The following BIN1 variants were observed in gnomAD, a reference collection of about 807,000 sequenced individuals.
BIN1 encodes the protein bridging integrator 1.
In BIN1, 53 loss-of-function variants were observed where a neutral mutation model predicts 82.0. That is an observed-to-expected ratio of 0.65 (90% CI 0.52 to 0.81). The LOEUF is 0.81. BIN1 is among the 40% of genes least tolerant of loss of function. The probability of loss-of-function intolerance (pLI) is 0.00; values close to 1 mark genes in which losing one functional copy is unlikely to be tolerated. For synonymous variants in BIN1, 302 were observed against 328.0 expected, an observed-to-expected ratio of 0.92 and a Z score of 0.86; for missense variants, 642 against 784.4, an observed-to-expected ratio of 0.82 and a Z score of 2.17.
intron 1 of BIN1, among the ~76,000 whole-genome samples, chr2:127,091,343 G>T (rs907123954): frequency 6.6e-6 from 1 of 152,304 alleles, no homozygotes; most frequent in Non-Finnish European, 1.5e-5. Context: ...GGCCTGTCCA[G>T]CATGCCCTGC....
intron 15 of BIN1, 109 bp from the exon 16 acceptor site, chr2:127,051,352 C>T (rs1489815361): frequency 2.6e-6 from 3 of 1,135,462 alleles, no homozygotes; most frequent in Non-Finnish European, 3.9e-6. Context: ...GGGGGCATCG[C>T]CTGGCTGGCA....
At chr2:127,063,153 A>G (rs1380562002) in intron 9 of BIN1, among the ~76,000 whole-genome samples, 1 of 152,256 alleles carries the variant, frequency 6.6e-6, no homozygotes, top group African/African-American at 2.4e-5. Context: ...CACGCAGACG[A>G]AACAGGCCTA....
chr2:127,075,395 C>T (rs1460694286), intron 2 of BIN1, among the ~76,000 whole-genome samples: 1 of 152,100 alleles, frequency 6.6e-6, no homozygotes, highest in African/African-American at 2.4e-5. Context: ...AACCTAAGAC[C>T]AGGTTTCTTG....
intron 10 of BIN1, chr2:127,060,792 G>C (rs1032789686): frequency 3.8e-6 from 4 of 1,056,858 alleles, no homozygotes; most frequent in African/African-American, 1.6e-5. Flanking sequence ...CACAGGGCCT[G>C]GGCGTGCTAT....
intron 1 of BIN1, among the ~76,000 whole-genome samples, chr2:127,088,199 G>A (rs116375908): frequency 0.017 from 2,595 of 152,312 alleles, 32 homozygotes; most frequent in Middle Eastern, 0.058. Flanking sequence ...TCCTTGAGAG[G>A]GGTGCCAAGA....
chr2:127,063,827 T>G, intron 8 of BIN1, 106 bp downstream of exon 8: 3 of 1,493,784 alleles, frequency 2.0e-6, no homozygotes, highest in Non-Finnish European at 2.8e-6. Context: ...GCACGCAGAC[T>G]GGACACCGCA....
chr2:127,070,207 G>A lies in BIN1; in HGVS notation c.316-117C>T. ...CTCTTCACAGCTCAGTGGCTTCTCA[G>A]AGCCTCAGTTTCCCCATCTGTAAGA... On this transcript the variant is annotated intron_variant, in intron 4 of 18. Coordinates refer to ENST00000316724, the MANE Select transcript of BIN1 (RefSeq NM_139343.3). 3 of 822,848 alleles carry A rather than the reference G, an allele frequency of 3.6e-6. No individual in the cohort carries two copies. In the South Asian group the frequency reaches 4.3e-5, roughly 12 times the overall value. The allele number at this position is 822,848 out of a possible 1,614,324, so 51.0% of individuals were successfully genotyped here.
intron 15 of BIN1, 34 bp from the exon 16 acceptor site, chr2:127,051,277 A>G: frequency 1.2e-6 from 2 of 1,607,676 alleles, no homozygotes; most frequent in Non-Finnish European, 1.7e-6. Flanking sequence ...GGTCAGACAC[A>G]GGACAGGACA....
At position 127,062,317 on chromosome 2, in the gene BIN1, T is replaced by C. The variant is rs1249531358; in HGVS notation, c.775-120A>G. 4 of 1,014,124 alleles carry C rather than the reference T, an allele frequency of 3.9e-6. No homozygotes were observed. In the African/African-American group the frequency reaches 6.4e-5, roughly 16 times the overall value. 62.8% of individuals were successfully genotyped at this position (1,014,124 alleles called of 1,614,324 possible). A position where few individuals can be genotyped will look rare whatever the true frequency, so the allele number is the denominator to read the frequency against. On this transcript the variant is annotated intron_variant, in intron 9 of 18. Transcript: ENST00000316724. ...CCCCTGCCAGGAACAAGCTCCTCTT[T>C]CCCCATCTGTGAGAGCAAGGAACTA... is the stretch of plus-strand genomic sequence containing the variant.
At chr2:127,094,973 G>T (rs1412577262) in intron 1 of BIN1, among the ~76,000 whole-genome samples, 1 of 152,224 alleles carries the variant, frequency 6.6e-6, no homozygotes, top group East Asian at 1.9e-4. Context: ...GGAGAACAGG[G>T]TGGGCGGGTC....
Position 127,104,541 on chromosome 2 carries a change from C to T in BIN1, c.84+2319G>A, listed in dbSNP as rs151203204. ...AGCCTCCCAGCACAGCTCCTGCCAT[C>T]CTTGCTCAGGAAACGCCTTCCTGTA... On this transcript the variant is annotated intron_variant, in intron 1 of 18. Coordinates refer to ENST00000316724, the MANE Select transcript of BIN1 (RefSeq NM_139343.3). Among the ~76,000 whole-genome samples the T allele has an allele frequency of 4.6e-4, 70 of 152,310 alleles. 1 individual carries two copies. Among genetic ancestry groups the T allele is most frequent in the African/African-American group, 1.6e-3 (68 of 41,570 alleles).
At chr2:127,062,508 G>A (rs563450002) in intron 9 of BIN1, among the ~76,000 whole-genome samples, 32 of 152,316 alleles carry the variant, frequency 2.1e-4, no homozygotes, top group Non-Finnish European at 3.7e-4. Flanking sequence ...CTTAAAACTT[G>A]TTTTGGCAGA....
At position 127,068,847 on chromosome 2, in the gene BIN1, T is replaced by A. The variant is rs146189826; in HGVS notation, c.519+77A>T. 16 of 1,401,204 alleles carry A rather than the reference T, an allele frequency of 1.1e-5. No homozygotes were observed. The Admixed American group carries it at 2.7e-4, about 24-fold the overall frequency. The allele number at this position is 1,401,204 out of a possible 1,614,324, so 86.8% of individuals were successfully genotyped here. The stretch of plus-strand genomic sequence containing the variant: ...ACCTGGGGCCAGGCAGGAGGAAGCC[T>A]CCACCCTCGGGGTCCTAGACACCCG... On this transcript the variant is annotated intron_variant, in intron 6 of 18. Transcript: ENST00000316724. This position sits in a 1 kb window ranked among gnomAD's most constrained non-coding sequence, Gnocchi z 4.9.
intron 1 of BIN1, among the ~76,000 whole-genome samples, chr2:127,096,575 C>A (rs1346438019): frequency 6.6e-6 from 1 of 152,192 alleles, no homozygotes; most frequent in Non-Finnish European, 1.5e-5. Flanking sequence ...CTTCCCCTTT[C>A]TCTCATTCGG....
intron 1 of BIN1, 141 bp downstream of exon 1, chr2:127,106,719 C>T (rs1050051729): frequency 1.9e-6 from 2 of 1,034,112 alleles, no homozygotes; most frequent in Non-Finnish European, 2.7e-6. Flanking sequence ...ACCTCGAAGC[C>T]CCTCGAAAGC....
In BIN1 at chr2:127,070,191, G is replaced by T. The variant is rs899903771; in HGVS notation, c.316-101C>A. 8 of 929,986 alleles carry T rather than the reference G, an allele frequency of 8.6e-6. No homozygotes were observed. In the Admixed American group the frequency reaches 1.6e-4, roughly 18 times the overall value. 57.6% of individuals were successfully genotyped at this position (929,986 alleles called of 1,614,324 possible). A position where few individuals can be genotyped will look rare whatever the true frequency, so the allele number is the denominator to read the frequency against. On this transcript the variant is annotated intron_variant, in intron 4 of 18. Coordinates refer to ENST00000316724, the MANE Select transcript of BIN1 (RefSeq NM_139343.3). ...CCAGCCCCAGCCCCATCTCTTCACA[G>T]CTCAGTGGCTTCTCAGAGCCTCAGT...
In BIN1 at chr2:127,059,037, C is replaced by G; in HGVS notation, c.976G>C (p.Ala326Pro). The G allele has an allele frequency of 6.4e-7, 1 of 1,562,636 alleles. No homozygotes were observed. The highest frequency in any genetic ancestry group is 8.7e-7 in the Non-Finnish European group (1 of 1,153,406). Reference protein sequence around the residue: ...PEPAGGATPGATLPKSPSQLR... With the variant: ...PEPAGGATPGPTLPKSPSQLR... ...TGAGATGGGGACTTGGGGAGGGTGGCCCCGGGCGTGGCCCCGCCGGCCGGC... is the reference window on the plus strand; with the variant it reads ...TGAGATGGGGACTTGGGGAGGGTGGGCCCGGGCGTGGCCCCGCCGGCCGGC... The change falls in exon 11 of 19, where the codon GCC becomes CCC. Residue 326 changes from alanine (A) to proline (P), a missense_variant. Ala to Pro is a conservative substitution (Grantham distance 27). Coordinates refer to ENST00000316724, the MANE Select transcript of BIN1 (RefSeq NM_139343.3). The surrounding 1 kb of genome is among the most constrained non-coding windows in gnomAD (Gnocchi z 6.7).
chr2:127,099,109 C>T (rs1012045235), intron 1 of BIN1, among the ~76,000 whole-genome samples: 1 of 152,244 alleles, frequency 6.6e-6, no homozygotes, highest in African/African-American at 2.4e-5. Flanking sequence ...CGCTCCCACC[C>T]TGCACCCTCA....
intron 2 of BIN1, among the ~76,000 whole-genome samples, chr2:127,075,117 A>G (rs952986170): frequency 1.3e-5 from 2 of 152,218 alleles, no homozygotes; most frequent in African/African-American, 2.4e-5. Flanking sequence ...ATAGTGAACC[A>G]AAGGCCACAG....
Sources: gnomAD v4.1 joint callset for allele counts (sites outside exome capture counted in the v4.1 genomes callset) on GRCh38, gnomAD v4.1.1 for gene constraint, Gnocchi (gnomAD v3.1) non-coding constraint, MANE v1.5 for transcripts, NCBI Gene and HGNC (gene_info 2026-07-23, HGNC 2026-07-21) for gene names.